The following CLEC2D variants were observed in gnomAD, a reference collection of about 807,000 sequenced individuals.
CLEC2D encodes the protein C-type lectin domain family 2 member D.
In CLEC2D, 16 loss-of-function variants were observed where a neutral mutation model predicts 20.0. That is an observed-to-expected ratio of 0.80 (90% confidence interval 0.54 to 1.22). CLEC2D has a LOEUF of 1.22. Among genes scored for constraint, CLEC2D ranks in the 50% most tolerant of loss-of-function variants. The pLI is 0.00. For synonymous variants in CLEC2D, 77 were observed against 71.1 expected (o/e 1.08, Z -0.42); for missense variants, 207 against 221.5 (o/e 0.93, Z 0.42).
rs375780896 is a variant in CLEC2D, at chr12:9,692,993, G to A, written c.461+62G>A. On this transcript the variant is annotated intron_variant, in intron 4 of 4. Transcript: ENST00000290855. ...GAATTTACTTTGCATTAAATCTGAA[G>A]TGTTCTCTAGTTACATGCTTTAAAA... 9.3e-5 allele frequency: 149 copies of A among 1,596,714 alleles called. No individual in the cohort carries two copies. The African/African-American group carries it at 1.7e-3, about 18-fold the overall frequency.
At position 9,697,137 on chromosome 12, in the gene CLEC2D, C is replaced by G. The variant is rs1212263273; in HGVS notation, c.*2263C>G. 6.6e-6 allele frequency: 1 copy of G among 151,924 alleles called. No homozygotes were observed. The highest frequency in any genetic ancestry group is 1.5e-5 in the Non-Finnish European group (1 of 67,982). 9.4% of individuals were successfully genotyped at this position (151,924 alleles called of 1,614,324 possible). ...CCCCAAAATCTGGCCATAAACTCAC[C>G]CCAAAACTGGCCATAAACAAAATCT... On this transcript the variant is annotated 3_prime_UTR_variant, in exon 5 of 5. Transcript: ENST00000290855.
At position 9,692,885 on chromosome 12, in the gene CLEC2D, C is replaced by A. The variant is rs774084601; in HGVS notation, c.415C>A (p.Gln139Lys). The change falls in exon 4 of 5, where the codon CAA becomes AAA. Residue 139 changes from glutamine (Q) to lysine (K), a missense_variant. Physicochemically the swap from Gln to Lys is moderately conservative, Grantham distance 53. Coordinates refer to ENST00000290855, the MANE Select transcript of CLEC2D (RefSeq NM_013269.6). Reference sequence around the variant, plus strand: ...TCACTGGATTGGGCTGAGCAGAGAACAAGGCCAACCATGGAAATGGATAAA... The same window carrying A: ...TCACTGGATTGGGCTGAGCAGAGAAAAAGGCCAACCATGGAAATGGATAAA... ...SDHWIGLSRE[Q>K]GQPWKWINGT... 15 of 1,613,570 alleles carry A rather than the reference C, an allele frequency of 9.3e-6. No individual in the cohort carries two copies. In the African/African-American group the frequency reaches 2.0e-4, roughly 22 times the overall value.
chr12:9,693,218 C>T (rs1429357233), intron 4 of CLEC2D: 1 of 797,084 alleles, frequency 1.3e-6, no homozygotes, highest in East Asian at 2.5e-5. Flanking sequence ...CTGTTCCTTA[C>T]CTCCACAACA....
intron 2 of CLEC2D, among the ~76,000 whole-genome samples, chr12:9,682,685 A>C (rs1179372307): frequency 6.6e-6 from 1 of 152,204 alleles, no homozygotes; most frequent in South Asian, 2.1e-4. Flanking sequence ...GTCTCCCTGC[A>C]AAGAATATGA....
At chr12:9,694,240 A>G (rs1033974488) in intron 4 of CLEC2D, among the ~76,000 whole-genome samples, 1 of 152,202 alleles carries the variant, frequency 6.6e-6, no homozygotes, top group Admixed American at 6.5e-5. Context: ...AGCAAATTAT[A>G]TCATAGATGA....
At chr12:9,673,760 G>A (rs1025049345) in intron 1 of CLEC2D, among the ~76,000 whole-genome samples, 2 of 152,192 alleles carry the variant, frequency 1.3e-5, no homozygotes, top group African/African-American at 4.8e-5. Flanking sequence ...ATTCTTGCAG[G>A]GATGACCTGC....
chr12:9,694,266 G>A (rs1413804037), intron 4 of CLEC2D, among the ~76,000 whole-genome samples: 1 of 152,104 alleles, frequency 6.6e-6, no homozygotes, highest in Non-Finnish European at 1.5e-5. Context: ...ATTCCAATGA[G>A]CAAAGAGGAA....
At chr12:9,683,335 G>GTTTTT (rs1357039664) in intron 2 of CLEC2D, among the ~76,000 whole-genome samples, 60 of 11,262 alleles carry the variant, frequency 5.3e-3, no homozygotes, top group African/African-American at 7.9e-3. Flanking sequence ...TTTTGTGTTT[G>GTTTTT]TTTTTTTTTT....
chr12:9,683,335 G>GTTTTTTTTTTTTTTTTTT (rs1357039664), intron 2 of CLEC2D, among the ~76,000 whole-genome samples: 2 of 11,286 alleles, frequency 1.8e-4, no homozygotes, highest in African/African-American at 3.1e-4. Context: ...TTTTGTGTTT[G>GTTTTTTTTTTTTTTTTTT]TTTTTTTTTT....
chr12:9,671,826 G>T (rs1865431326), intron 1 of CLEC2D, among the ~76,000 whole-genome samples: 1 of 152,102 alleles, frequency 6.6e-6, no homozygotes, highest in Non-Finnish European at 1.5e-5. Context: ...TGGTTTGATG[G>T]CTCTTTAAAT....
intron 1 of CLEC2D, among the ~76,000 whole-genome samples, chr12:9,670,672 TTTAG>T (rs1205237760): frequency 6.6e-6 from 1 of 152,242 alleles, no homozygotes; most frequent in Non-Finnish European, 1.5e-5. Flanking sequence ...TGAACAAATA[TTTAG>T]TTAGACTGGA....
intron 3 of CLEC2D, among the ~76,000 whole-genome samples, chr12:9,692,245 C>CA (rs1865884129): frequency 6.6e-6 from 1 of 152,178 alleles, no homozygotes; most frequent in Non-Finnish European, 1.5e-5. Flanking sequence ...AAATGATTCT[C>CA]ATGCCTCAGC....
chr12:9,676,372 T>G (rs2120903475), intron 1 of CLEC2D, among the ~76,000 whole-genome samples: 1 of 152,322 alleles, frequency 6.6e-6, no homozygotes, highest in African/African-American at 2.4e-5. Flanking sequence ...GAATTTTGTT[T>G]ACTGAAAGTT....
In CLEC2D at chr12:9,692,812, C is replaced by CT; in HGVS notation, c.358-15dup. On this transcript the variant is annotated splice_polypyrimidine_tract_variant and intron_variant, in intron 3 of 4. Coordinates refer to ENST00000290855, the MANE Select transcript of CLEC2D (RefSeq NM_013269.6). ...TATGTTAGATTAATGAATATCATCT[C>CT]TGTGTTTTCTGAAAGAATTTCCTGT... 6.4e-7 allele frequency: 1 copy of CT among 1,556,728 alleles called. No individual in the cohort carries two copies.
At chr12:9,689,388 T>TA (rs1359434227) in intron 3 of CLEC2D, among the ~76,000 whole-genome samples, 10 of 152,232 alleles carry the variant, frequency 6.6e-5, no homozygotes, top group Admixed American at 2.0e-4. Flanking sequence ...ATAATTAAGT[T>TA]ACCAGAGTTA....
In CLEC2D at chr12:9,699,512, TATA is replaced by T. The variant is rs750128907; in HGVS notation, c.*4641_*4643del. On this transcript the variant is annotated 3_prime_UTR_variant, in exon 5 of 5. Coordinates refer to ENST00000290855, the MANE Select transcript of CLEC2D (RefSeq NM_013269.6). Reference sequence around the variant, plus strand: ...ATTATTTTCATGAAATTACTTCTAGTATAATTCTGAATAAACACTTTGAAAGGC... The same window carrying T: ...ATTATTTTCATGAAATTACTTCTAGTATTCTGAATAAACACTTTGAAAGGC... 3.9e-5 allele frequency: 6 copies of T among 152,212 alleles called. No homozygotes were observed. Among genetic ancestry groups the T allele is most frequent in the Non-Finnish European group, 8.8e-5 (6 of 68,032 alleles). The allele number at this position is 152,212 out of a possible 1,614,324, so 9.4% of individuals were successfully genotyped here.
intron 1 of CLEC2D, among the ~76,000 whole-genome samples, chr12:9,672,048 G>T (rs1865435432): frequency 6.6e-6 from 1 of 151,982 alleles, no homozygotes; most frequent in Admixed American, 6.6e-5. Context: ...CCCAAGACTG[G>T]GTAATTTATA....
chr12:9,695,678 A>C lies in CLEC2D; in HGVS notation c.*804A>C. The C allele has an allele frequency of 6.3e-7, 1 of 1,575,704 alleles. No homozygotes were observed. Among genetic ancestry groups the C allele is most frequent in the Non-Finnish European group, 8.7e-7 (1 of 1,155,896 alleles). On this transcript the variant is annotated 3_prime_UTR_variant, in exon 5 of 5. Coordinates refer to ENST00000290855, the MANE Select transcript of CLEC2D (RefSeq NM_013269.6). ...GGCTTTGAAATAACACCACCAGTGG[A>C]CTTAAGGTTGAAGTGTGGTTCAGGG...
chr12:9,692,505 A>G (rs928633288), intron 3 of CLEC2D, among the ~76,000 whole-genome samples: 12 of 152,198 alleles, frequency 7.9e-5, no homozygotes, highest in African/African-American at 2.9e-4. Flanking sequence ...GGTGCCAAGA[A>G]TGTCATAGTA....
Sources: allele counts gnomAD v4.1 joint callset (sites outside exome capture counted in the v4.1 genomes callset), GRCh38; gene constraint gnomAD v4.1.1; transcripts MANE v1.5; gene names NCBI Gene and HGNC (gene_info 2026-07-23, HGNC 2026-07-21).